The following AGPAT3 variants were observed in gnomAD, a reference collection of about 807,000 sequenced individuals.
AGPAT3 encodes the protein 1-acylglycerol-3-phosphate O-acyltransferase 3, also known as 1-acyl-sn-glycerol-3-phosphate acyltransferase gamma.
In AGPAT3, 5 loss-of-function variants were observed where a neutral mutation model predicts 47.3. The ratio of observed to expected loss-of-function variants is 0.11; its 90% CI spans 0.06 to 0.22. The LOEUF is 0.22. Ranked by LOEUF, AGPAT3 falls within the 10% of genes least tolerant of loss-of-function variation. The pLI, the probability that AGPAT3 is intolerant of heterozygous loss-of-function variation, is 1.00. For missense variants in AGPAT3, 315 were observed against 493.0 expected (o/e 0.64, Z 3.42); for synonymous variants, 212 against 208.3 (o/e 1.02, Z -0.15).
At position 43,982,222 on chromosome 21, in the gene AGPAT3, A is replaced by C; in HGVS notation, c.1043-82A>C. The C allele has an allele frequency of 9.7e-7, 1 of 1,034,644 alleles. No homozygotes were observed. The highest frequency in any genetic ancestry group is 1.5e-6 in the Non-Finnish European group (1 of 672,892). 64.1% of individuals were successfully genotyped at this position (1,034,644 alleles called of 1,614,324 possible). A position where few individuals can be genotyped will look rare whatever the true frequency, so the allele number is the denominator to read the frequency against. On this transcript the variant is annotated intron_variant, in intron 9 of 9. Coordinates refer to ENST00000291572, the MANE Select transcript of AGPAT3 (RefSeq NM_020132.5). The surrounding 1 kb of genome is among the most constrained non-coding windows in gnomAD (Gnocchi z 6.2). ...AGAGGGACAGGGTCTGGGGCAGAGG[A>C]AGGAAGCCCCAGTAACACGTTTTAC...
intron 2 of AGPAT3, among the ~76,000 whole-genome samples, chr21:43,942,588 C>T (rs962964017): frequency 1.3e-5 from 2 of 152,216 alleles, no homozygotes; most frequent in African/African-American, 4.8e-5. Flanking sequence ...CCTCTGTGCT[C>T]GGTCCACATG....
At position 43,932,963 on chromosome 21, in the gene AGPAT3, T is replaced by C. The variant is rs975904277; in HGVS notation, c.-48-26671T>C. The stretch of plus-strand genomic sequence containing the variant: ...CCGCCCTGGGCCAGTAGTTCCATTT[T>C]TGACTTTTGGAGGCACCTCCAGATG... On this transcript the variant is annotated intron_variant, in intron 2 of 9. Transcript: ENST00000291572. The surrounding 1 kb of genome is among the most constrained non-coding windows in gnomAD (Gnocchi z 5.2). Among the ~76,000 whole-genome samples the C allele has an allele frequency of 1.2e-4, 19 of 152,178 alleles. No individual in the cohort carries two copies. The highest frequency in any genetic ancestry group is 6.5e-4 in the Admixed American group (10 of 15,280).
intron 1 of AGPAT3, among the ~76,000 whole-genome samples, chr21:43,899,844 G>C (rs560372907): frequency 1.3e-5 from 2 of 152,140 alleles, no homozygotes; most frequent in African/African-American, 4.8e-5. Flanking sequence ...ACCCAGCCCC[G>C]GTGATGCTCT....
intron 2 of AGPAT3, among the ~76,000 whole-genome samples, chr21:43,913,466 G>A (rs1398856535): frequency 6.6e-6 from 1 of 152,102 alleles, no homozygotes; most frequent in African/African-American, 2.4e-5. Flanking sequence ...CACGCCTCTA[G>A]TACCAGCTAC....
intron 2 of AGPAT3, among the ~76,000 whole-genome samples, chr21:43,953,424 G>T (rs982969106): frequency 6.6e-6 from 1 of 152,184 alleles, no homozygotes; most frequent in Non-Finnish European, 1.5e-5. Context: ...AGGGAGTGCC[G>T]TGACGTAGCC....
At chr21:43,901,586 C>T (rs1331321069) in intron 1 of AGPAT3, among the ~76,000 whole-genome samples, 3 of 152,040 alleles carry the variant, frequency 2.0e-5, no homozygotes, top group African/African-American at 7.2e-5. Flanking sequence ...AGATCAAGAC[C>T]ACCCTGGACA....
Position 43,880,962 on chromosome 21 carries a change from G to A in AGPAT3, c.-112+15617G>A, listed in dbSNP as rs971899939. On this transcript the variant is annotated intron_variant, in intron 1 of 9. Transcript: ENST00000291572. The surrounding 1 kb of genome is among the most constrained non-coding windows in gnomAD (Gnocchi z 4.5). The stretch of plus-strand genomic sequence containing the variant: ...ACAAGTTGGTCATTCTTAATGCCAG[G>A]GAGGGGGAAGAGAGAGAAAATGAGA... Among the ~76,000 whole-genome samples, 2 of 134,906 alleles carry A rather than the reference G, an allele frequency of 1.5e-5. No individual in the cohort carries two copies. Among genetic ancestry groups the A allele is most frequent in the Non-Finnish European group, 3.3e-5 (2 of 60,602 alleles). The allele number at this position is 134,906 out of a possible 152,430, so 88.5% of individuals were successfully genotyped here. A position where few individuals can be genotyped will look rare whatever the true frequency, so the allele number is the denominator to read the frequency against.
chr21:43,942,567 A>G (rs2087696472), intron 2 of AGPAT3, among the ~76,000 whole-genome samples: 1 of 152,196 alleles, frequency 6.6e-6, no homozygotes, highest in Non-Finnish European at 1.5e-5. Context: ...GTGGGGTTCT[A>G]GACCAGGAAC....
intron 1 of AGPAT3, among the ~76,000 whole-genome samples, chr21:43,898,970 C>T (rs1376643387): frequency 6.6e-6 from 1 of 152,108 alleles, no homozygotes; most frequent in Non-Finnish European, 1.5e-5. Context: ...TGTGCCTTGG[C>T]CTCCCAAAGT....
rs545179832 is a variant in AGPAT3, at chr21:43,985,275, C to T, written c.*2883C>T. 2.4e-5 allele frequency: 11 copies of T among 455,188 alleles called. No homozygotes were observed. The East Asian group carries it at 2.8e-4, about 12-fold the overall frequency. 28.2% of individuals were successfully genotyped at this position (455,188 alleles called of 1,614,324 possible). A position where few individuals can be genotyped will look rare whatever the true frequency, so the allele number is the denominator to read the frequency against. On this transcript the variant is annotated 3_prime_UTR_variant, in exon 10 of 10. Coordinates refer to ENST00000291572, the MANE Select transcript of AGPAT3 (RefSeq NM_020132.5). ...GTACTCGGCGACAGTGTACCAGACG[C>T]GCACCCTATGTGAGGTGCTTTAAGG...
intron 2 of AGPAT3, among the ~76,000 whole-genome samples, chr21:43,911,953 C>T (rs1435471589): frequency 2.6e-5 from 4 of 152,248 alleles, no homozygotes; most frequent in Non-Finnish European, 4.4e-5. Context: ...AAAGCAAAGG[C>T]TGCCCCTGGA....
intron 2 of AGPAT3, chr21:43,948,102 CAG>C (rs1394345917): frequency 2.6e-5 from 4 of 152,164 alleles, no homozygotes; most frequent in Non-Finnish European, 4.4e-5. Flanking sequence ...CCAAAGGTAA[CAG>C]AGATAGTGAT....
intron 2 of AGPAT3, among the ~76,000 whole-genome samples, chr21:43,947,678 G>T (rs2087962632): frequency 6.7e-6 from 1 of 148,310 alleles, no homozygotes; most frequent in African/African-American, 2.4e-5. Context: ...CCATGCTGCT[G>T]TTTCTTTTCT....
rs780512587 is a variant in AGPAT3 at position 43,971,364 on chromosome 21, T to A, written c.665-24T>A. The A allele has an allele frequency of 2.6e-5, 42 of 1,609,520 alleles. No individual in the cohort carries two copies. The South Asian group carries it at 4.6e-4, about 18-fold the overall frequency. ...CATGCAGCCGCCTGGGCTGGGTCAT[T>A]CACCCTCCCGTCTCCTCCCACAGTC... On this transcript the variant is annotated intron_variant, in intron 6 of 9. Coordinates refer to ENST00000291572, the MANE Select transcript of AGPAT3 (RefSeq NM_020132.5).
intron 2 of AGPAT3, among the ~76,000 whole-genome samples, chr21:43,911,907 G>GC (rs1428206646): frequency 2.0e-5 from 3 of 152,238 alleles, no homozygotes; most frequent in Admixed American, 6.5e-5. Flanking sequence ...GACACTGCCT[G>GC]CCTGGCACCC....
intron 8 of AGPAT3, 32 bp downstream of exon 8, chr21:43,978,153 G>T: frequency 6.2e-7 from 1 of 1,600,378 alleles, no homozygotes. Flanking sequence ...TCAGGGTCCC[G>T]GTCTCCTGAA....
Position 43,922,916 on chromosome 21 carries a change from T to G in AGPAT3, c.-49+18897T>G, listed in dbSNP as rs1293742620. Reference sequence around the variant, plus strand: ...GCCTGGGGTCTGGGCATGGGGCGCCTGTCCCCAGCGGGGCGGGCTCTGGGG... The same window carrying G: ...GCCTGGGGTCTGGGCATGGGGCGCCGGTCCCCAGCGGGGCGGGCTCTGGGG... On this transcript the variant is annotated intron_variant, in intron 2 of 9. Coordinates refer to ENST00000291572, the MANE Select transcript of AGPAT3 (RefSeq NM_020132.5). This position sits in a 1 kb window ranked among gnomAD's most constrained non-coding sequence, Gnocchi z 4.9. Among the ~76,000 whole-genome samples the G allele has an allele frequency of 6.6e-6, 1 of 152,210 alleles. No homozygotes were observed. Among genetic ancestry groups the G allele is most frequent in the Non-Finnish European group, 1.5e-5 (1 of 68,020 alleles).
chr21:43,896,509 T>C (rs1183161156), intron 1 of AGPAT3, among the ~76,000 whole-genome samples: 1 of 152,268 alleles, frequency 6.6e-6, no homozygotes, highest in Non-Finnish European at 1.5e-5. Flanking sequence ...AACTACAGCC[T>C]ATAGGCTAAG....
At chr21:43,884,774 C>G (rs1306630669) in intron 1 of AGPAT3, among the ~76,000 whole-genome samples, 1 of 151,808 alleles carries the variant, frequency 6.6e-6, no homozygotes, top group East Asian at 1.9e-4. Context: ...TGGCCTGGTG[C>G]TGGGTACTGG....
Sources: gnomAD v4.1 joint callset for allele counts (sites outside exome capture counted in the v4.1 genomes callset) on GRCh38, gnomAD v4.1.1 for gene constraint, Gnocchi (gnomAD v3.1) non-coding constraint, MANE v1.5 for transcripts, NCBI Gene and HGNC (gene_info 2026-07-23, HGNC 2026-07-21) for gene names.